PLXDC2: variants seen among roughly 807,000 people sequenced by gnomAD.
PLXDC2 encodes plexin domain containing 2.
Under a neutral mutation model 68.9 loss-of-function variants are expected in PLXDC2, and 40 were observed. The ratio of observed to expected loss-of-function variants is 0.58; its 90% CI spans 0.45 to 0.76. The LOEUF (loss-of-function observed/expected upper bound fraction) is 0.76. PLXDC2 is among the 30% of genes least tolerant of loss of function. PLXDC2 has a pLI of 0.00. For synonymous variants in PLXDC2, 243 were observed against 234.2 expected (o/e 1.04, Z -0.34); for missense variants, 644 against 661.9 (o/e 0.97, Z 0.30).
intron 4 of PLXDC2, among the ~76,000 whole-genome samples, chr10:20,128,804 A>G (rs1833827101): frequency 6.6e-6 from 1 of 152,172 alleles, no homozygotes; most frequent in Admixed American, 6.5e-5. Flanking sequence ...CCATGTTGAC[A>G]CAAATGACTT....
At chr10:20,112,914 A>G (rs1833576910) in intron 4 of PLXDC2, among the ~76,000 whole-genome samples, 1 of 152,374 alleles carries the variant, frequency 6.6e-6, no homozygotes, top group East Asian at 1.9e-4. Flanking sequence ...CTATGGAAAA[A>G]TAAGTCAAAA....
At chr10:20,078,496 A>G (rs573129930) in intron 4 of PLXDC2, among the ~76,000 whole-genome samples, 126 of 152,342 alleles carry the variant, frequency 8.3e-4, no homozygotes, top group African/African-American at 2.9e-3. Context: ...GTATGTAAAA[A>G]TGAGTGTTAT....
chr10:20,067,265 A>G (rs1836227261), intron 3 of PLXDC2, among the ~76,000 whole-genome samples: 1 of 152,124 alleles, frequency 6.6e-6, no homozygotes, highest in Non-Finnish European at 1.5e-5. Context: ...AGTCTCTGTA[A>G]TTTACTCCAA....
chr10:20,187,894 C>A (rs769124180), intron 9 of PLXDC2, among the ~76,000 whole-genome samples: 1 of 151,756 alleles, frequency 6.6e-6, no homozygotes, highest in Non-Finnish European at 1.5e-5. Flanking sequence ...CCCCACAAAA[C>A]AAATAACTAA....
intron 3 of PLXDC2, among the ~76,000 whole-genome samples, chr10:20,056,913 T>G (rs147023169): frequency 2.0e-5 from 3 of 152,144 alleles, no homozygotes; most frequent in Non-Finnish European, 4.4e-5. Context: ...ACATTTTAGG[T>G]TTCTGATAAA....
rs1365378372 is a variant in PLXDC2 at position 20,040,201 on chromosome 10, A to C, written c.325-6668A>C. On this transcript the variant is annotated intron_variant, in intron 2 of 13. Coordinates refer to ENST00000377252, the MANE Select transcript of PLXDC2 (RefSeq NM_032812.9). ...CCTTAGCCAATCATCTGAGGCAGCG[A>C]CTGGATTCCCTCTCCCACTTTGCTG... Among the ~76,000 whole-genome samples, 3 of 152,252 alleles carry C rather than the reference A, an allele frequency of 2.0e-5. No individual in the cohort carries two copies. In the South Asian group the frequency reaches 6.2e-4, roughly 32 times the overall value.
intron 1 of PLXDC2, among the ~76,000 whole-genome samples, chr10:19,942,746 G>A (rs1435155113): frequency 6.6e-6 from 1 of 152,132 alleles, no homozygotes; most frequent in African/African-American, 2.4e-5. Flanking sequence ...CAACCTGAGT[G>A]ATAGAGCAAG....
At chr10:20,126,298 TATATACAC>T (rs894238385) in intron 4 of PLXDC2, among the ~76,000 whole-genome samples, 4 of 146,916 alleles carry the variant, frequency 2.7e-5, no homozygotes, top group Non-Finnish European at 6.0e-5. Flanking sequence ...ATATAATACA[TATATACAC>T]ATACGTTATA....
At chr10:19,910,663 G>A (rs1182655282) in intron 1 of PLXDC2, among the ~76,000 whole-genome samples, 2 of 137,644 alleles carry the variant, frequency 1.5e-5, no homozygotes, top group African/African-American at 5.6e-5. Flanking sequence ...CTGCTTCAAA[G>A]GTGGAAGATA....
At chr10:20,171,694 A>G (rs1834448118) in intron 7 of PLXDC2, among the ~76,000 whole-genome samples, 1 of 152,152 alleles carries the variant, frequency 6.6e-6, no homozygotes, top group Non-Finnish European at 1.5e-5. Context: ...TAAAATTTTT[A>G]TGAACAGGGA....
At chr10:20,011,742 G>T (rs1228781653) in intron 2 of PLXDC2, among the ~76,000 whole-genome samples, 1 of 152,148 alleles carries the variant, frequency 6.6e-6, no homozygotes, top group Non-Finnish European at 1.5e-5. Context: ...GCACAGACAT[G>T]CTGATAGCAT....
intron 12 of PLXDC2, among the ~76,000 whole-genome samples, chr10:20,236,693 A>G (rs1399298309): frequency 1.3e-5 from 2 of 152,020 alleles, no homozygotes; most frequent in Non-Finnish European, 2.9e-5. Context: ...AATACCATAA[A>G]CCTTCTCTTT....
intron 12 of PLXDC2, among the ~76,000 whole-genome samples, chr10:20,233,021 A>C (rs1018876586): frequency 2.6e-5 from 4 of 152,138 alleles, no homozygotes; most frequent in African/African-American, 9.7e-5. Flanking sequence ...GCCAAATGAT[A>C]ATAATAAAAA....
intron 1 of PLXDC2, among the ~76,000 whole-genome samples, chr10:19,930,822 G>T (rs1169906372): frequency 6.6e-6 from 1 of 151,958 alleles, no homozygotes; most frequent in Admixed American, 6.6e-5. Context: ...AATTAGCCAG[G>T]CCTGGTTGCA....
chr10:19,840,633 A>G (rs1249518614), intron 1 of PLXDC2, among the ~76,000 whole-genome samples: 1 of 152,160 alleles, frequency 6.6e-6, no homozygotes, highest in Admixed American at 6.6e-5. Flanking sequence ...GCCTTCAGCC[A>G]CAATGTATAC....
At chr10:20,125,182 T>C (rs1298901617) in intron 4 of PLXDC2, among the ~76,000 whole-genome samples, 1 of 152,052 alleles carries the variant, frequency 6.6e-6, no homozygotes, top group Non-Finnish European at 1.5e-5. Flanking sequence ...TAATATCCAC[T>C]GGCACTTGAG....
chr10:20,085,184 A>T (rs7918203), intron 4 of PLXDC2, among the ~76,000 whole-genome samples: 2 of 150,734 alleles, frequency 1.3e-5, no homozygotes, highest in East Asian at 3.9e-4. Context: ...AGGTGGGGGG[A>T]GCCTATGTGA....
intron 1 of PLXDC2, among the ~76,000 whole-genome samples, chr10:19,933,629 T>G (rs2131391399): frequency 6.6e-6 from 1 of 151,468 alleles, no homozygotes; most frequent in East Asian, 1.9e-4. Context: ...TGAGACTCAG[T>G]CTCAAAAAAC....
chr10:19,915,677 T>C (rs192876919), intron 1 of PLXDC2, among the ~76,000 whole-genome samples: 14 of 152,204 alleles, frequency 9.2e-5, no homozygotes, highest in Non-Finnish European at 1.8e-4. Flanking sequence ...CATCTTGAGG[T>C]CCCTAGAAAC....
Sources: allele counts gnomAD v4.1 joint callset (sites outside exome capture counted in the v4.1 genomes callset), GRCh38; gene constraint gnomAD v4.1.1; transcripts MANE v1.5; gene names NCBI Gene and HGNC (gene_info 2026-07-23, HGNC 2026-07-21).